Variants in MTCL2 observed in about 807,000 individuals in gnomAD.
MTCL2 encodes microtubule cross-linking factor 2.
At chr20:36,836,079 C>T in the MTCL2 span, among the ~76,000 whole-genome samples, 11 of 147,734 alleles carry the variant, frequency 7.4e-5, no homozygotes, top group Non-Finnish European at 1.2e-4. Flanking sequence ...TCCCCCACCA[C>T]CCCCCACCCC....
At chr20:36,844,986 G>C in the MTCL2 span, among the ~76,000 whole-genome samples, 7 of 149,242 alleles carry the variant, frequency 4.7e-5, no homozygotes, top group African/African-American at 1.7e-4. Flanking sequence ...ACTCCACCCT[G>C]GGTGACAGAG....
the MTCL2 span, among the ~76,000 whole-genome samples, chr20:36,813,694 AGTGAGCTGAGATC>A: frequency 1.6e-5 from 2 of 127,978 alleles, no homozygotes; most frequent in South Asian, 5.3e-4. Context: ...CGGAGGTTGC[AGTGAGCTGAGATC>A]GTGCCACCGC....
At chr20:36,791,160 G>C in the MTCL2 span, among the ~76,000 whole-genome samples, 1 of 151,918 alleles carries the variant, frequency 6.6e-6, no homozygotes, top group African/African-American at 2.4e-5. Context: ...TCAGCCTCCT[G>C]AGTAGCTAGG....
At chr20:36,831,950 T>G in the MTCL2 span, among the ~76,000 whole-genome samples, 473 of 152,276 alleles carry the variant, frequency 3.1e-3, 2 homozygotes, top group Non-Finnish European at 4.6e-3. Context: ...ACTAACTCAC[T>G]CACTCACTCA....
the MTCL2 span, chr20:36,815,445 G>T: frequency 6.2e-7 from 1 of 1,610,398 alleles, no homozygotes; most frequent in East Asian, 2.2e-5. This position sits in a 1 kb window ranked among gnomAD's most constrained non-coding sequence, Gnocchi z 5.3. Flanking sequence ...GACATCGATG[G>T]CCTTACTGAC....
chr20:36,787,823 T>C, the MTCL2 span, among the ~76,000 whole-genome samples: 2 of 145,226 alleles, frequency 1.4e-5, no homozygotes, highest in East Asian at 2.0e-4. Flanking sequence ...GGTGCGGAGG[T>C]TGCAGTGAGC....
chr20:36,787,028 T>C, the MTCL2 span, among the ~76,000 whole-genome samples: 1 of 152,084 alleles, frequency 6.6e-6, no homozygotes, highest in African/African-American at 2.4e-5. Flanking sequence ...GGTCTCACTA[T>C]GTTGCTCAGG....
the MTCL2 span, among the ~76,000 whole-genome samples, chr20:36,804,154 G>A: frequency 1.3e-5 from 2 of 152,206 alleles, no homozygotes; most frequent in East Asian, 1.9e-4. Context: ...GGCTGCTGAC[G>A]CCTGGGAAGG....
chr20:36,863,011 G>A, the MTCL2 span: 3 of 1,400,724 alleles, frequency 2.1e-6, no homozygotes, highest in South Asian at 1.4e-5. This position sits in a 1 kb window ranked among gnomAD's most constrained non-coding sequence, Gnocchi z 6.2. Flanking sequence ...CTGGGGGGCG[G>A]CGGTGGCGGT....
At chr20:36,836,101 TG>T in the MTCL2 span, among the ~76,000 whole-genome samples, 1 of 96,058 alleles carries the variant, frequency 1.0e-5, no homozygotes, top group East Asian at 3.4e-4. Context: ...CCCAACCCAG[TG>T]ATTGGAATCT....
the MTCL2 span, chr20:36,793,507 G>A: frequency 8.3e-4 from 1,286 of 1,551,702 alleles, 11 homozygotes; most frequent in African/African-American, 0.016. The surrounding 1 kb of genome is among the most constrained non-coding windows in gnomAD (Gnocchi z 6.8). Flanking sequence ...GCACAATGCC[G>A]TACTTGGGAG....
chr20:36,808,453 C>A, the MTCL2 span: 1 of 1,450,450 alleles, frequency 6.9e-7, no homozygotes, highest in Middle Eastern at 1.7e-4. Flanking sequence ...CTGGGCGTCC[C>A]TTCCCTGTCC....
the MTCL2 span, among the ~76,000 whole-genome samples, chr20:36,807,865 C>CTTTT: frequency 3.2e-4 from 17 of 53,544 alleles, no homozygotes; most frequent in Non-Finnish European, 4.2e-4. Flanking sequence ...GAAACCCTGT[C>CTTTT]TTTTTTTTTT....
the MTCL2 span, among the ~76,000 whole-genome samples, chr20:36,823,681 G>A: frequency 2.0e-5 from 3 of 152,052 alleles, no homozygotes; most frequent in Non-Finnish European, 4.4e-5. Flanking sequence ...GGTGGCGTGC[G>A]CCTATAGTCC....
At chr20:36,805,755 G>T in the MTCL2 span, 34 of 1,093,776 alleles carry the variant, frequency 3.1e-5, 1 homozygote, top group South Asian at 5.7e-4. Flanking sequence ...CAACTTCAAT[G>T]TCCAGGAATG....
At chr20:36,798,260 G>A in the MTCL2 span, among the ~76,000 whole-genome samples, 1 of 152,162 alleles carries the variant, frequency 6.6e-6, no homozygotes, top group African/African-American at 2.4e-5. Context: ...TAGTAGAGAC[G>A]GGTTTCACAT....
chr20:36,861,983 T>C, the MTCL2 span, among the ~76,000 whole-genome samples: 5 of 152,216 alleles, frequency 3.3e-5, no homozygotes, highest in Non-Finnish European at 5.9e-5. Flanking sequence ...GGCTGTTGTG[T>C]GCACAAGGTC....
At chr20:36,862,955 CT>C in the MTCL2 span, 1 of 1,402,666 alleles carries the variant, frequency 7.1e-7, no homozygotes, top group Non-Finnish European at 9.3e-7. Flanking sequence ...GCAGGCGCGC[CT>C]CCTCCGACGC....
At chr20:36,826,455 GCA>G in the MTCL2 span, among the ~76,000 whole-genome samples, 67 of 147,282 alleles carry the variant, frequency 4.5e-4, 1 homozygote, top group East Asian at 0.011. Context: ...ATAGCTCACT[GCA>G]GCCTCAACCT....
Sources: allele counts gnomAD v4.1 joint callset (sites outside exome capture counted in the v4.1 genomes callset), GRCh38; gene constraint gnomAD v4.1.1; non-coding constraint Gnocchi (gnomAD v3.1); transcripts MANE v1.5; gene names NCBI Gene and HGNC (gene_info 2026-07-23, HGNC 2026-07-21).